Variants in ADAMTSL1 observed in about 807,000 individuals in gnomAD.
ADAMTSL1 encodes the protein ADAMTS like 1, also known as ADAMTS-like protein 1.
ADAMTSL1 carries 126 observed loss-of-function variants against 201.8 expected under a neutral mutation model. That is an observed-to-expected ratio of 0.62 (90% CI 0.54 to 0.72). ADAMTSL1 has a LOEUF of 0.72. Ranked by LOEUF, ADAMTSL1 falls within the 30% of genes least tolerant of loss-of-function variation. ADAMTSL1 has a pLI of 0.00. For synonymous variants in ADAMTSL1, 1,121 were observed against 903.4 expected (o/e 1.24, Z -4.32); for missense variants, 2,679 against 2,277.8 (o/e 1.18, Z -3.59).
At chr9:17,927,364 A>G (rs7847533) in intron 1 of ADAMTSL1, among the ~76,000 whole-genome samples, 67,038 of 151,996 alleles carry the variant, frequency 0.44, 15,911 homozygotes, top group African/African-American at 0.62. Flanking sequence ...ACATATATAC[A>G]TATGTGCATA....
chr9:18,215,380 A>T lies in ADAMTSL1; in HGVS notation c.207+51399A>T, dbSNP rs186694119. ...TTTATGGGAAAACCTTAACTATAAT[A>T]ACTTAAGTATTTTATAAAAATGAAG... is the stretch of plus-strand genomic sequence containing the variant. On this transcript the variant is annotated intron_variant, in intron 2 of 29. Transcript: ENST00000680146. Among the ~76,000 whole-genome samples, 86 of 152,338 alleles carry T rather than the reference A, an allele frequency of 5.6e-4. No homozygotes were observed. In the East Asian group the frequency reaches 0.013, roughly 24 times the overall value.
chr9:17,994,378 CAA>C (rs1175798936), intron 1 of ADAMTSL1, among the ~76,000 whole-genome samples: 4 of 152,036 alleles, frequency 2.6e-5, no homozygotes, highest in Admixed American at 2.0e-4. Flanking sequence ...AAAATGCTGA[CAA>C]GAGAGACCAT....
chr9:17,959,373 C>A (rs1186069096), intron 1 of ADAMTSL1, among the ~76,000 whole-genome samples: 2 of 152,010 alleles, frequency 1.3e-5, no homozygotes, highest in Admixed American at 6.6e-5. Flanking sequence ...TAGATGATAC[C>A]CTCCTTCCTC....
chr9:18,236,604 T>C (rs1427596926), intron 2 of ADAMTSL1, among the ~76,000 whole-genome samples: 1 of 152,236 alleles, frequency 6.6e-6, no homozygotes, highest in Non-Finnish European at 1.5e-5. Flanking sequence ...TCCATTCAGC[T>C]GTTATTTTTA....
At chr9:18,400,151 C>CT (rs974801327) in intron 2 of ADAMTSL1, among the ~76,000 whole-genome samples, 3 of 151,858 alleles carry the variant, frequency 2.0e-5, no homozygotes, top group African/African-American at 4.8e-5. Context: ...TAAGTTTTTT[C>CT]TTTTTTTTAC....
chr9:18,314,827 T>C (rs1351237607), intron 2 of ADAMTSL1, among the ~76,000 whole-genome samples: 20 of 125,562 alleles, frequency 1.6e-4, no homozygotes, highest in Non-Finnish European at 2.7e-4. Context: ...GACGGAGTCT[T>C]GCTCTGTCGC....
At chr9:17,929,505 C>T (rs1271964893) in intron 1 of ADAMTSL1, among the ~76,000 whole-genome samples, 1 of 152,116 alleles carries the variant, frequency 6.6e-6, no homozygotes, top group Non-Finnish European at 1.5e-5. Context: ...CCCTGCCTAG[C>T]TCCCCAGGTT....
intron 1 of ADAMTSL1, among the ~76,000 whole-genome samples, chr9:18,050,984 T>A (rs1821907252): frequency 6.6e-6 from 1 of 152,208 alleles, no homozygotes; most frequent in African/African-American, 2.4e-5. Flanking sequence ...ATCAGTGCAA[T>A]CACTTTACTT....
chr9:18,629,990 T>A (rs1172580588), intron 5 of ADAMTSL1, among the ~76,000 whole-genome samples: 1 of 152,028 alleles, frequency 6.6e-6, no homozygotes, highest in Non-Finnish European at 1.5e-5. Flanking sequence ...GTTTTTTTTG[T>A]TTGTTTGTTT....
chr9:18,893,704 T>G (rs181952680), intron 26 of ADAMTSL1, among the ~76,000 whole-genome samples: 2 of 152,358 alleles, frequency 1.3e-5, no homozygotes, highest in East Asian at 3.9e-4. Context: ...GTTTTTCTGC[T>G]GATAATATTG....
intron 23 of ADAMTSL1, among the ~76,000 whole-genome samples, chr9:18,854,171 C>T (rs1826697885): frequency 6.6e-6 from 1 of 152,118 alleles, no homozygotes; most frequent in Non-Finnish European, 1.5e-5. Context: ...TATGCAGCTT[C>T]TGCCTTATAA....
chr9:17,969,689 C>A (rs946029764), intron 1 of ADAMTSL1, among the ~76,000 whole-genome samples: 1 of 151,926 alleles, frequency 6.6e-6, no homozygotes, highest in African/African-American at 2.4e-5. Flanking sequence ...AAACACATGT[C>A]TAATCTATAC....
intron 16 of ADAMTSL1, among the ~76,000 whole-genome samples, chr9:18,766,540 T>A (rs949944141): frequency 6.6e-6 from 1 of 152,198 alleles, no homozygotes; most frequent in African/African-American, 2.4e-5. Flanking sequence ...CCATTCCGGC[T>A]GCTAAAACAA....
chr9:18,221,368 A>G lies in ADAMTSL1; in HGVS notation c.207+57387A>G, dbSNP rs1291426220. On this transcript the variant is annotated intron_variant, in intron 2 of 29. Coordinates refer to the ADAMTSL1 transcript ENST00000680146. ...TAATTCTGAAGAATACTCAGCCTTTATGTGTTCACACAGTGCCCCTTCCCC... is the reference window on the plus strand; with the variant it reads ...TAATTCTGAAGAATACTCAGCCTTTGTGTGTTCACACAGTGCCCCTTCCCC... 3.3e-5 allele frequency among the ~76,000 whole-genome samples: 5 copies of G among 152,266 alleles called. No individual in the cohort carries two copies. The East Asian group carries it at 7.7e-4, about 24-fold the overall frequency.
At chr9:18,353,329 T>TA (rs1298763898) in intron 2 of ADAMTSL1, among the ~76,000 whole-genome samples, 4 of 152,224 alleles carry the variant, frequency 2.6e-5, no homozygotes, top group Non-Finnish European at 5.9e-5. Flanking sequence ...TAAACTAAAG[T>TA]AAAATCAACC....
chr9:18,418,822 C>T (rs1411119195), intron 2 of ADAMTSL1, among the ~76,000 whole-genome samples: 1 of 152,100 alleles, frequency 6.6e-6, no homozygotes, highest in Non-Finnish European at 1.5e-5. Context: ...TGAGGATATT[C>T]TGTATAGACA....
In ADAMTSL1 at chr9:18,820,453, T is replaced by G. The variant is rs186662041; in HGVS notation, c.3934+3216T>G. ...CCAAAAAGGAAAGAAAACAGCTTGT[T>G]CAAAGTCGTTCTCTCCAAACTCAAC... On this transcript the variant is annotated intron_variant, in intron 21 of 28. Transcript: ENST00000380548. Among the ~76,000 whole-genome samples, 186 of 152,314 alleles carry G rather than the reference T, an allele frequency of 1.2e-3. 1 individual carries two copies. Among genetic ancestry groups the G allele is most frequent in the African/African-American group, 4.2e-3 (175 of 41,564 alleles).
chr9:18,475,241 G>T (rs1326032248), intron 1 of ADAMTSL1, among the ~76,000 whole-genome samples: 1 of 152,182 alleles, frequency 6.6e-6, no homozygotes, highest in Non-Finnish European at 1.5e-5. Context: ...TTCCTCAGAA[G>T]GTAACAAGGC....
chr9:17,980,094 G>A (rs145730560), intron 1 of ADAMTSL1, among the ~76,000 whole-genome samples: 207 of 152,178 alleles, frequency 1.4e-3, no homozygotes, highest in African/African-American at 4.3e-3. Flanking sequence ...ACTGTACTGC[G>A]TGGGCAGTAC....
Sources: allele counts gnomAD v4.1 joint callset (sites outside exome capture counted in the v4.1 genomes callset), GRCh38; gene constraint gnomAD v4.1.1; transcripts MANE v1.5; gene names NCBI Gene and HGNC (gene_info 2026-07-23, HGNC 2026-07-21).